Variants in NAALADL2 observed in about 807,000 individuals in gnomAD.
The protein encoded by NAALADL2 is N-acetylated alpha-linked acidic dipeptidase like 2.
A neutral mutation model predicts 87.2 loss-of-function variants in NAALADL2; 76 were observed. The ratio of observed to expected loss-of-function variants is 0.87; its 90% CI spans 0.72 to 1.05. The LOEUF is 1.05. Ranked by LOEUF, NAALADL2 falls within the 50% of genes least tolerant of loss-of-function variation. NAALADL2 has a pLI of 0.00. For missense variants in NAALADL2, 1,089 were observed against 945.8 expected, an observed-to-expected ratio of 1.15 and a Z score of -1.99; for synonymous variants, 354 against 331.0, an observed-to-expected ratio of 1.07 and a Z score of -0.75.
chr3:174,477,931 T>A (rs1035666271), intron 1 of NAALADL2, among the ~76,000 whole-genome samples: 4 of 152,114 alleles, frequency 2.6e-5, no homozygotes, highest in Admixed American at 6.6e-5. Context: ...AAACAAAAAG[T>A]TGTTTCATAG....
intron 12 of NAALADL2, among the ~76,000 whole-genome samples, chr3:175,737,762 T>A (rs1744711349): frequency 1.7e-5 from 2 of 120,314 alleles, no homozygotes; most frequent in East Asian, 2.8e-4. Context: ...TAACAGCCAA[T>A]CAGTTCAAAC....
chr3:175,721,992 A>G (rs1382755789), intron 11 of NAALADL2, among the ~76,000 whole-genome samples: 1 of 151,990 alleles, frequency 6.6e-6, no homozygotes, highest in African/African-American at 2.4e-5. Context: ...TTCCATTCGT[A>G]TTTCATATTT....
chr3:174,888,328 A>G (rs775546312), intron 1 of NAALADL2, among the ~76,000 whole-genome samples: 1 of 152,224 alleles, frequency 6.6e-6, no homozygotes, highest in Non-Finnish European at 1.5e-5. Context: ...TTAGGCCTAC[A>G]AAGTGAAATA....
chr3:175,585,970 ACTAAT>A (rs1394260796), intron 10 of NAALADL2, among the ~76,000 whole-genome samples: 1 of 152,170 alleles, frequency 6.6e-6, no homozygotes. Flanking sequence ...TATTTTGGAA[ACTAAT>A]TTAGATGATT....
chr3:175,095,669 T>A (rs1265260921), intron 1 of NAALADL2, among the ~76,000 whole-genome samples: 1 of 152,052 alleles, frequency 6.6e-6, no homozygotes, highest in African/African-American at 2.4e-5. Context: ...AATCCTTGTT[T>A]TATCTTTTTC....
chr3:175,317,331 C>T (rs1581392764), intron 4 of NAALADL2, among the ~76,000 whole-genome samples: 1 of 142,002 alleles, frequency 7.0e-6, no homozygotes, highest in Non-Finnish European at 1.5e-5. Flanking sequence ...GACTATCCCA[C>T]CAAAGCAGGG....
chr3:174,928,529 C>T (rs1013377322), intron 1 of NAALADL2, among the ~76,000 whole-genome samples: 12 of 152,058 alleles, frequency 7.9e-5, no homozygotes, highest in Admixed American at 2.6e-4. Flanking sequence ...CGTGAGCCAC[C>T]GCGCATTGCC....
At chr3:175,100,360 C>T (rs531558153) in intron 2 of NAALADL2, among the ~76,000 whole-genome samples, 9 of 152,104 alleles carry the variant, frequency 5.9e-5, no homozygotes, top group African/African-American at 9.7e-5. Context: ...ATGTGCTATA[C>T]GTCCCGGTCT....
At chr3:174,652,772 ACAT>A (rs1489949001) in intron 2 of NAALADL2, among the ~76,000 whole-genome samples, 1 of 152,150 alleles carries the variant, frequency 6.6e-6, no homozygotes, top group East Asian at 1.9e-4. Flanking sequence ...AAATCAAAAG[ACAT>A]CATTAAGATA....
chr3:175,056,592 G>A (rs1712235175), intron 1 of NAALADL2, among the ~76,000 whole-genome samples: 3 of 152,146 alleles, frequency 2.0e-5, no homozygotes, highest in Admixed American at 6.5e-5. Context: ...TAGAGGTGTG[G>A]AGTGGGAAAT....
intron 2 of NAALADL2, among the ~76,000 whole-genome samples, chr3:174,565,131 T>C (rs558621864): frequency 5.3e-5 from 8 of 152,068 alleles, no homozygotes; most frequent in Non-Finnish European, 7.4e-5. Context: ...ATTAGTATGA[T>C]ATATTTGTTA....
intron 11 of NAALADL2, among the ~76,000 whole-genome samples, chr3:175,638,166 C>T (rs1242274948): frequency 6.6e-6 from 1 of 152,158 alleles, no homozygotes; most frequent in Non-Finnish European, 1.5e-5. Flanking sequence ...AAATTCAATA[C>T]ATAAACATCA....
intron 11 of NAALADL2, among the ~76,000 whole-genome samples, chr3:175,672,633 A>G (rs1378592475): frequency 6.6e-6 from 1 of 152,200 alleles, no homozygotes; most frequent in African/African-American, 2.4e-5. Context: ...ATAAATCGGA[A>G]GTTTGAACTG....
chr3:175,765,679 G>A (rs1033310771), intron 13 of NAALADL2, among the ~76,000 whole-genome samples: 72 of 152,066 alleles, frequency 4.7e-4, no homozygotes, highest in Admixed American at 4.7e-3. Flanking sequence ...ATATTTGCAA[G>A]TCAAGACCCA....
chr3:174,966,089 A>G (rs1742824685), intron 1 of NAALADL2, among the ~76,000 whole-genome samples: 1 of 152,146 alleles, frequency 6.6e-6, no homozygotes. Flanking sequence ...CCAGATCATT[A>G]TTACCATGTA....
At chr3:175,269,777 G>A (rs764771457) in intron 4 of NAALADL2, among the ~76,000 whole-genome samples, 24 of 152,072 alleles carry the variant, frequency 1.6e-4, no homozygotes, top group South Asian at 6.2e-4. Context: ...TATGATCCTC[G>A]CAGTTTGTTT....
At chr3:175,161,078 C>A (rs150475667) in intron 2 of NAALADL2, among the ~76,000 whole-genome samples, 2 of 151,476 alleles carry the variant, frequency 1.3e-5, no homozygotes, top group African/African-American at 4.9e-5. Flanking sequence ...TCAATTACAC[C>A]GCAACCACCA....
At chr3:175,343,046 G>T (rs1314770565) in intron 5 of NAALADL2, among the ~76,000 whole-genome samples, 1 of 151,922 alleles carries the variant, frequency 6.6e-6, no homozygotes, top group African/African-American at 2.4e-5. Flanking sequence ...CTGAGTAGTA[G>T]AATTGTGTTA....
At chr3:175,021,651 C>T (rs1429029134) in intron 1 of NAALADL2, among the ~76,000 whole-genome samples, 1 of 152,084 alleles carries the variant, frequency 6.6e-6, no homozygotes, top group African/African-American at 2.4e-5. Flanking sequence ...CTTCAGAGCC[C>T]AGCCTTTCTT....
Sources: gnomAD v4.1 joint callset for allele counts (sites outside exome capture counted in the v4.1 genomes callset) on GRCh38, gnomAD v4.1.1 for gene constraint, MANE v1.5 for transcripts, NCBI Gene and HGNC (gene_info 2026-07-23, HGNC 2026-07-21) for gene names.